RDX: variants seen among roughly 807,000 people sequenced by gnomAD.
RDX encodes the protein deafness, autosomal recessive 24.
A neutral mutation model predicts 83.7 loss-of-function variants in RDX; 32 were observed. The ratio of observed to expected loss-of-function variants is 0.38; its 90% confidence interval spans 0.29 to 0.51. RDX has a LOEUF of 0.51. Among genes scored for constraint, RDX ranks in the 20% least tolerant of loss-of-function variants. RDX has a pLI of 0.87. For synonymous variants in RDX, 229 were observed against 222.7 expected (o/e 1.03, Z -0.25); for missense variants, 600 against 689.9 (o/e 0.87, Z 1.46).
At chr11:110,239,159 A>G (rs1335276878) in intron 10 of RDX, among the ~76,000 whole-genome samples, 1 of 152,008 alleles carries the variant, frequency 6.6e-6, no homozygotes, top group African/African-American at 2.4e-5. Context: ...CTATTTATAT[A>G]TAACAACAGT....
intron 15 of RDX, among the ~76,000 whole-genome samples, chr11:110,194,536 C>T (rs757025638): frequency 8.5e-5 from 13 of 152,142 alleles, no homozygotes; most frequent in African/African-American, 2.7e-4. Context: ...TACAACTTTT[C>T]GTTTCTTGCA....
At chr11:110,254,799 T>C (rs558181057) in intron 8 of RDX, among the ~76,000 whole-genome samples, 1 of 152,272 alleles carries the variant, frequency 6.6e-6, no homozygotes, top group African/African-American at 2.4e-5. Context: ...TTTTACCTTT[T>C]CAGTAACTAA....
chr11:110,215,036 CAAAAA>C (rs1195888196), intron 14 of RDX, among the ~76,000 whole-genome samples: 13 of 125,782 alleles, frequency 1.0e-4, no homozygotes, highest in South Asian at 2.5e-4. Context: ...GGAGACCTAA[CAAAAA>C]AAAAAAAAAT....
chr11:110,204,140 G>C (rs1863516320), intron 14 of RDX, among the ~76,000 whole-genome samples: 1 of 152,042 alleles, frequency 6.6e-6, no homozygotes, highest in Admixed American at 6.6e-5. Context: ...TTTATGGATG[G>C]AGAAGACTGA....
At chr11:110,281,792 T>A (rs1860772469) in intron 1 of RDX, among the ~76,000 whole-genome samples, 1 of 151,998 alleles carries the variant, frequency 6.6e-6, no homozygotes, top group African/African-American at 2.4e-5. Flanking sequence ...GTTCAGGTCT[T>A]ATCATCTCAG....
chr11:110,206,853 A>C (rs1863624090), intron 14 of RDX, among the ~76,000 whole-genome samples: 1 of 152,278 alleles, frequency 6.6e-6, no homozygotes, highest in African/African-American at 2.4e-5. Flanking sequence ...CACTGAGTAA[A>C]AGAAGCAACT....
chr11:110,262,591 G>A (rs77266005), intron 5 of RDX, among the ~76,000 whole-genome samples: 42 of 146,202 alleles, frequency 2.9e-4, no homozygotes, highest in Non-Finnish European at 2.6e-4. Flanking sequence ...CCATCTCAAA[G>A]AAAAAAAAAA....
At chr11:110,203,006 G>A (rs867506728) in intron 14 of RDX, among the ~76,000 whole-genome samples, 3 of 152,016 alleles carry the variant, frequency 2.0e-5, no homozygotes, top group Non-Finnish European at 2.9e-5. Context: ...CCCCACTACT[G>A]TGTATATACC....
At chr11:110,236,040 A>G (rs1315453210) in intron 12 of RDX, 59 bp downstream of exon 12, 1 of 1,184,548 alleles carries the variant, frequency 8.4e-7, no homozygotes, top group South Asian at 1.2e-5. Flanking sequence ...CTACAAAGTC[A>G]GCATAATCCT....
chr11:110,240,368 G>A (rs888446039), intron 10 of RDX, among the ~76,000 whole-genome samples: 2 of 152,168 alleles, frequency 1.3e-5, no homozygotes, highest in African/African-American at 2.4e-5. Flanking sequence ...GTTATCAAAG[G>A]CCAGGAAGTG....
chr11:110,247,559 T>G, intron 10 of RDX, 144 bp downstream of exon 10: 1 of 763,106 alleles, frequency 1.3e-6, no homozygotes, highest in Non-Finnish European at 2.1e-6. Flanking sequence ...GTTTATGATG[T>G]GATTCCACTA....
chr11:110,268,590 C>CT (rs554504494), intron 3 of RDX, among the ~76,000 whole-genome samples: 20 of 152,284 alleles, frequency 1.3e-4, no homozygotes, highest in African/African-American at 4.8e-4. Flanking sequence ...CCTCCACACT[C>CT]TGTGAGATTC....
intron 1 of RDX, among the ~76,000 whole-genome samples, chr11:110,293,085 G>A (rs1042784799): frequency 7.2e-5 from 11 of 152,286 alleles, no homozygotes; most frequent in African/African-American, 2.6e-4. Flanking sequence ...ATGAAAACAT[G>A]AGAAATATGA....
chr11:110,270,944 G>T (rs187863292), intron 3 of RDX, among the ~76,000 whole-genome samples: 1 of 151,994 alleles, frequency 6.6e-6, no homozygotes, highest in African/African-American at 2.4e-5. Context: ...TTTCAAATAA[G>T]ATAGACTGTA....
At chr11:110,268,311 GGAAAAAA>G (rs1860142959) in intron 3 of RDX, among the ~76,000 whole-genome samples, 1 of 131,774 alleles carries the variant, frequency 7.6e-6, no homozygotes, top group African/African-American at 2.9e-5. Flanking sequence ...TCTGTTTCGG[GGAAAAAA>G]AAAAAAAAAA....
intron 15 of RDX, among the ~76,000 whole-genome samples, chr11:110,194,881 T>C (rs2134229928): frequency 6.6e-6 from 1 of 152,276 alleles, no homozygotes; most frequent in East Asian, 1.9e-4. Flanking sequence ...TTTCAGAAAA[T>C]CTTTAAGGGG....
chr11:110,221,069 A>C (rs999262298), intron 14 of RDX, among the ~76,000 whole-genome samples: 1 of 152,102 alleles, frequency 6.6e-6, no homozygotes, highest in Non-Finnish European at 1.5e-5. Context: ...CGACTGGCTA[A>C]AACAGCAATG....
At chr11:110,288,763 TTGG>T (rs1462782290) in intron 1 of RDX, among the ~76,000 whole-genome samples, 1 of 152,238 alleles carries the variant, frequency 6.6e-6, no homozygotes, top group Non-Finnish European at 1.5e-5. Context: ...TGGTTCACAG[TTGG>T]GCCTCAAAAT....
At chr11:110,271,355 C>G (rs963173670) in intron 3 of RDX, among the ~76,000 whole-genome samples, 5 of 152,182 alleles carry the variant, frequency 3.3e-5, no homozygotes, top group Non-Finnish European at 7.3e-5. Flanking sequence ...ATTCTGACTA[C>G]AGGCTATTGC....
Sources: gnomAD v4.1 joint callset for allele counts (sites outside exome capture counted in the v4.1 genomes callset) on GRCh38, gnomAD v4.1.1 for gene constraint, MANE v1.5 for transcripts, NCBI Gene and HGNC (gene_info 2026-07-23, HGNC 2026-07-21) for gene names.